Variants in TRAP1 observed in about 807,000 individuals in gnomAD.
TRAP1 encodes the protein heat shock protein 75 kDa, mitochondrial.
Under a neutral mutation model 89.1 loss-of-function variants are expected in TRAP1, and 102 were observed. That is an observed-to-expected ratio of 1.15 (90% CI 0.98 to 1.35). The LOEUF is 1.35. Ranked by LOEUF, TRAP1 falls within the 40% of genes most tolerant of loss-of-function variation. The pLI, the probability that TRAP1 is intolerant of heterozygous loss-of-function variation, is 0.00. For synonymous variants in TRAP1, 508 were observed against 388.0 expected, an observed-to-expected ratio of 1.31 and a Z score of -3.64; for missense variants, 1,256 against 945.3, an observed-to-expected ratio of 1.33 and a Z score of -4.31.
intron 1 of TRAP1, among the ~76,000 whole-genome samples, chr16:3,715,953 C>T (rs1435203459): frequency 1.3e-5 from 2 of 152,286 alleles, no homozygotes; most frequent in Non-Finnish European, 2.9e-5. Context: ...ATCTCTGCCT[C>T]CTGGGTTCAA....
chr16:3,675,620 G>A (rs1596714463), intron 7 of TRAP1, among the ~76,000 whole-genome samples: 1 of 152,204 alleles, frequency 6.6e-6, no homozygotes, highest in South Asian at 2.1e-4. Context: ...GGAGGCCCCG[G>A]CTGCTGCGAG....
intron 9 of TRAP1, 149 bp from the exon 10 acceptor site, chr16:3,672,969 G>T: frequency 7.9e-7 from 1 of 1,264,676 alleles, no homozygotes; most frequent in Non-Finnish European, 1.1e-6. Context: ...CCAGTGCAGG[G>T]GCCCCACGAT....
At chr16:3,691,603 G>C (rs531245586) in intron 1 of TRAP1, among the ~76,000 whole-genome samples, 2 of 151,876 alleles carry the variant, frequency 1.3e-5, no homozygotes, top group African/African-American at 4.8e-5. Context: ...AACCTGTCTC[G>C]ACCCTCGCAG....
intron 16 of TRAP1, chr16:3,661,278 A>G (rs1272490427): frequency 6.6e-6 from 1 of 152,172 alleles, no homozygotes; most frequent in Non-Finnish European, 1.5e-5. Flanking sequence ...AACTCAAAAG[A>G]TACCTAAAGG....
intron 1 of TRAP1, among the ~76,000 whole-genome samples, chr16:3,703,043 G>GAAAAAAAA (rs36093237): frequency 1.4e-4 from 6 of 43,500 alleles, no homozygotes; most frequent in Non-Finnish European, 2.2e-4. Context: ...ACTCCGTCTT[G>GAAAAAAAA]AAAAAAAAAA....
Position 3,664,437 on chromosome 16 carries a change from C to A in TRAP1, c.1406G>T (p.Arg469Leu). ...EVKEDIAKLL[R>L]YESSALPSGQ... ...GGAGGGCAGCGCCGAGGACTCGTAGCGCAGCAGCTTTGCTATGTCCTCCTA... is the reference window on the plus strand; with the variant it reads ...GGAGGGCAGCGCCGAGGACTCGTAGAGCAGCAGCTTTGCTATGTCCTCCTA... Residue 469 changes from arginine to leucine, a missense_variant, in exon 13 of 18, where the codon CGC becomes CTC. Arg to Leu is a moderately radical substitution (Grantham distance 102). Coordinates refer to ENST00000246957, the MANE Select transcript of TRAP1 (RefSeq NM_016292.3). The A allele has an allele frequency of 6.2e-7, 1 of 1,611,842 alleles. No individual in the cohort carries two copies. The highest frequency in any genetic ancestry group is 1.1e-5 in the South Asian group (1 of 90,674).
At chr16:3,709,371 G>C (rs544083950) in intron 1 of TRAP1, among the ~76,000 whole-genome samples, 9 of 152,190 alleles carry the variant, frequency 5.9e-5, no homozygotes, top group Admixed American at 5.2e-4. Flanking sequence ...TTTAAAACGA[G>C]ATAGCATTTT....
At chr16:3,677,702 G>A (rs746291151) in intron 5 of TRAP1, 44 bp from the exon 6 acceptor site, 43 of 1,594,438 alleles carry the variant, frequency 2.7e-5, no homozygotes, top group Non-Finnish European at 3.1e-5. Flanking sequence ...CCCCTCCAGA[G>A]AGCAGACACT....
At chr16:3,716,369 C>G (rs2051598060) in intron 1 of TRAP1, among the ~76,000 whole-genome samples, 1 of 152,110 alleles carries the variant, frequency 6.6e-6, no homozygotes, top group Non-Finnish European at 1.5e-5. Flanking sequence ...AAAGAAATAC[C>G]GCACGTGAAC....
intron 1 of TRAP1, among the ~76,000 whole-genome samples, chr16:3,710,738 C>A (rs1272635232): frequency 6.6e-6 from 1 of 152,094 alleles, no homozygotes; most frequent in Non-Finnish European, 1.5e-5. Flanking sequence ...CACATAGTTA[C>A]ATTAGAAGGA....
At chr16:3,662,859 G>A in intron 15 of TRAP1, 23 bp downstream of exon 15, 4 of 1,611,988 alleles carry the variant, frequency 2.5e-6, no homozygotes, top group Non-Finnish European at 3.4e-6. Flanking sequence ...CCAAGTGGTG[G>A]TCCATCCCCG....
rs780466023 is a variant in TRAP1, at chr16:3,679,781, T to C, written c.481A>G (p.Ile161Val). 3.7e-6 allele frequency: 6 copies of C among 1,613,930 alleles called. No individual in the cohort carries two copies. Among genetic ancestry groups the C allele is most frequent in the Middle Eastern group, 1.6e-4 (1 of 6,084 alleles). The change falls in exon 5 of 18, where the codon ATC becomes GTC. Residue 161 changes from isoleucine (I) to valine (V), a missense_variant. Transcript: ENST00000246957. ...ACCAGCTCTTCCTGTGTCATCCCGA[T>C]ACCAGTATCCTGAGGAGAGAGACGC... ...KGTITIQDTG[I>V]GMTQEELVSN... is the part of the protein sequence containing the mutation.
intron 1 of TRAP1, among the ~76,000 whole-genome samples, chr16:3,708,817 ATTTTTT>A (rs530522079): frequency 7.3e-6 from 1 of 136,082 alleles, no homozygotes; most frequent in Non-Finnish European, 1.6e-5. Flanking sequence ...CTCTGTCTCA[ATTTTTT>A]TTTTTTTTTT....
chr16:3,714,907 A>G (rs1401247238), intron 1 of TRAP1, among the ~76,000 whole-genome samples: 3 of 152,224 alleles, frequency 2.0e-5, no homozygotes, highest in East Asian at 1.9e-4. Context: ...GGATCTGCCT[A>G]AACTATTCTT....
chr16:3,670,382 CAAA>C (rs760902038), intron 11 of TRAP1, among the ~76,000 whole-genome samples: 41 of 22,842 alleles, frequency 1.8e-3, no homozygotes, highest in South Asian at 0.013. Flanking sequence ...GACTCCGTCT[CAAA>C]AAAAAAAAAA....
At chr16:3,680,024 G>A (rs907977173) in intron 4 of TRAP1, 4 of 473,734 alleles carry the variant, frequency 8.4e-6, no homozygotes, top group Non-Finnish European at 1.6e-5. Context: ...GAGGCCAGGA[G>A]TTCAAGACCA....
chr16:3,699,695 G>C (rs1170838351), intron 1 of TRAP1, among the ~76,000 whole-genome samples: 1 of 150,786 alleles, frequency 6.6e-6, no homozygotes, highest in Non-Finnish European at 1.5e-5. Flanking sequence ...TTAGAAAAGA[G>C]ATTGCTCTGT....
chr16:3,704,388 A>T (rs934745319), intron 1 of TRAP1: 2 of 152,216 alleles, frequency 1.3e-5, no homozygotes, highest in African/African-American at 4.8e-5. Flanking sequence ...AAAACTTACG[A>T]GAAACATAAA....
intron 1 of TRAP1, among the ~76,000 whole-genome samples, chr16:3,697,713 C>T (rs1450013166): frequency 2.7e-5 from 4 of 150,270 alleles, no homozygotes; most frequent in African/African-American, 9.7e-5. Context: ...AAGCCTTCCT[C>T]ACTCTAAGAT....
Sources: allele counts gnomAD v4.1 joint callset (sites outside exome capture counted in the v4.1 genomes callset), GRCh38; gene constraint gnomAD v4.1.1; transcripts MANE v1.5; gene names NCBI Gene and HGNC (gene_info 2026-07-23, HGNC 2026-07-21).